VRK1: variants seen among roughly 807,000 people sequenced by gnomAD.
VRK1 encodes serine/threonine-protein kinase VRK1.
In VRK1, 33 loss-of-function variants were observed where a neutral mutation model predicts 57.1. The ratio of observed to expected loss-of-function variants is 0.58; its 90% confidence interval spans 0.44 to 0.77. The LOEUF (loss-of-function observed/expected upper bound fraction) is 0.77, where lower values mean the gene tolerates loss of function less well. Ranked by LOEUF, VRK1 falls within the 30% of genes least tolerant of loss-of-function variation. The pLI, the probability that VRK1 is intolerant of heterozygous loss-of-function variation, is 0.00. For missense variants in VRK1, 413 were observed against 477.3 expected (o/e 0.87, Z 1.25); for synonymous variants, 137 against 147.8 (o/e 0.93, Z 0.53).
At chr14:96,865,766 T>A (rs1888562022) in intron 11 of VRK1, among the ~76,000 whole-genome samples, 1 of 152,002 alleles carries the variant, frequency 6.6e-6, no homozygotes, top group Non-Finnish European at 1.5e-5. Flanking sequence ...CTTCTGTTTT[T>A]TTTTTTTGGA....
At chr14:96,814,496 AT>A (rs1566686830) in intron 1 of VRK1, among the ~76,000 whole-genome samples, 1 of 152,202 alleles carries the variant, frequency 6.6e-6, no homozygotes, top group Non-Finnish European at 1.5e-5. Context: ...TTCTTAAAAA[AT>A]ACCTCAATTG....
intron 1 of VRK1, among the ~76,000 whole-genome samples, chr14:96,827,951 G>A (rs563006196): frequency 5.3e-5 from 8 of 152,124 alleles, no homozygotes; most frequent in Non-Finnish European, 1.2e-4. Context: ...AATGCTACCA[G>A]ATCCCTAGGA....
Position 96,856,847 on chromosome 14 carries a change from G to T in VRK1, c.889+261G>T, listed in dbSNP as rs12892609. Among the ~76,000 whole-genome samples, 47,471 of 151,944 alleles carry T rather than the reference G, an allele frequency of 0.31. 8,263 individuals carry two copies. The highest frequency in any genetic ancestry group is 0.42 in the South Asian group (1,998 of 4,806). ...GCCAGGCGTGGTGACGCACGCCTGT[G>T]GTCCCAGCTACTTGGAAGGCTGAGG... is the stretch of plus-strand genomic sequence containing the variant. On this transcript the variant is annotated intron_variant, in intron 10 of 12. Transcript: ENST00000216639.
At chr14:96,815,887 G>GA (rs941971168) in intron 1 of VRK1, among the ~76,000 whole-genome samples, 150 of 141,986 alleles carry the variant, frequency 1.1e-3, no homozygotes, top group East Asian at 5.1e-3. Flanking sequence ...ACCCTGTCTG[G>GA]AAAAAAAAAA....
At chr14:96,823,544 C>T (rs1218655691) in intron 1 of VRK1, among the ~76,000 whole-genome samples, 1 of 152,186 alleles carries the variant, frequency 6.6e-6, no homozygotes, top group East Asian at 1.9e-4. Context: ...TCATCAGGAA[C>T]ACGTTGGTAT....
At chr14:96,811,435 T>C (rs1346503075) in intron 1 of VRK1, among the ~76,000 whole-genome samples, 1 of 152,228 alleles carries the variant, frequency 6.6e-6, no homozygotes, top group African/African-American at 2.4e-5. Flanking sequence ...CTTTTAAGAA[T>C]CACATACACA....
intron 11 of VRK1, among the ~76,000 whole-genome samples, chr14:96,862,011 T>G (rs963949953): frequency 6.6e-6 from 1 of 152,250 alleles, no homozygotes; most frequent in African/African-American, 2.4e-5. Context: ...TCTAAAATTT[T>G]GGTGATTGAG....
chr14:96,858,720 C>T (rs906729452), intron 10 of VRK1, among the ~76,000 whole-genome samples: 2 of 151,506 alleles, frequency 1.3e-5, no homozygotes, highest in African/African-American at 4.9e-5. Flanking sequence ...TGTTTCTGGA[C>T]TCTCTTTTTT....
intron 1 of VRK1, among the ~76,000 whole-genome samples, chr14:96,815,790 T>C (rs1390211111): frequency 2.0e-5 from 3 of 151,346 alleles, no homozygotes; most frequent in African/African-American, 7.3e-5. Context: ...CCCAGCTGCT[T>C]GGAAGGTTGA....
At chr14:96,821,845 C>T (rs946000462) in intron 1 of VRK1, among the ~76,000 whole-genome samples, 10 of 152,200 alleles carry the variant, frequency 6.6e-5, no homozygotes, top group Non-Finnish European at 1.5e-4. Flanking sequence ...TCCTCAGCTG[C>T]ACCAGTCCCC....
At chr14:96,876,783 A>C (rs1889049620) in intron 12 of VRK1, among the ~76,000 whole-genome samples, 1 of 151,704 alleles carries the variant, frequency 6.6e-6, no homozygotes, top group Non-Finnish European at 1.5e-5. Flanking sequence ...AAGCAAAAAA[A>C]AAAAAAAACA....
At chr14:96,805,024 G>A (rs1008343813) in intron 1 of VRK1, among the ~76,000 whole-genome samples, 1 of 152,230 alleles carries the variant, frequency 6.6e-6, no homozygotes, top group Admixed American at 6.5e-5. Flanking sequence ...GGCCTGAAAA[G>A]AGTCCAAGCG....
chr14:96,845,118 AT>A (rs1471031482), intron 3 of VRK1, among the ~76,000 whole-genome samples: 4 of 152,018 alleles, frequency 2.6e-5, no homozygotes, highest in Non-Finnish European at 4.4e-5. Flanking sequence ...GCCCAAAATA[AT>A]TTTTTTCTCA....
chr14:96,873,022 T>C (rs2139840509), intron 11 of VRK1, among the ~76,000 whole-genome samples: 1 of 152,298 alleles, frequency 6.6e-6, no homozygotes, highest in Admixed American at 6.5e-5. Context: ...CTGTATATTT[T>C]AAGTTTCTAA....
At chr14:96,862,295 A>T (rs960945145) in intron 11 of VRK1, among the ~76,000 whole-genome samples, 2 of 152,216 alleles carry the variant, frequency 1.3e-5, no homozygotes, top group Non-Finnish European at 2.9e-5. Flanking sequence ...CATCCCTGAC[A>T]TGTATAAAGC....
chr14:96,863,934 G>T (rs548219523), intron 11 of VRK1, among the ~76,000 whole-genome samples: 30 of 152,234 alleles, frequency 2.0e-4, no homozygotes, highest in African/African-American at 6.7e-4. Context: ...ATTGCACCTC[G>T]TACAGCCTTT....
intron 12 of VRK1, among the ~76,000 whole-genome samples, chr14:96,879,472 A>G (rs76528867): frequency 0.048 from 7,338 of 152,148 alleles, 625 homozygotes; most frequent in African/African-American, 0.17. Flanking sequence ...TTTGAATGTA[A>G]CTTTATAGTT....
chr14:96,839,460 G>T (rs1414356644), intron 3 of VRK1, among the ~76,000 whole-genome samples: 1 of 151,858 alleles, frequency 6.6e-6, no homozygotes, highest in East Asian at 1.9e-4. Context: ...GTACACATTG[G>T]CCAATAATAT....
At chr14:96,810,446 C>T (rs1886125394) in intron 1 of VRK1, among the ~76,000 whole-genome samples, 1 of 152,114 alleles carries the variant, frequency 6.6e-6, no homozygotes, top group African/African-American at 2.4e-5. Context: ...AGTATTTTGC[C>T]TTTCAGATTT....
Sources: gnomAD v4.1 joint callset for allele counts (sites outside exome capture counted in the v4.1 genomes callset) on GRCh38, gnomAD v4.1.1 for gene constraint, MANE v1.5 for transcripts, NCBI Gene and HGNC (gene_info 2026-07-23, HGNC 2026-07-21) for gene names.